TMEM178B: variants seen among roughly 807,000 people sequenced by gnomAD.
TMEM178B encodes transmembrane protein 178B.
A neutral mutation model predicts 31.0 loss-of-function variants in TMEM178B; 5 were observed. That is an observed-to-expected ratio of 0.16 (90% CI 0.08 to 0.34). The LOEUF (loss-of-function observed/expected upper bound fraction) is 0.34. Among genes scored for constraint, TMEM178B ranks in the 10% least tolerant of loss-of-function variants. The pLI is 1.00. For synonymous variants in TMEM178B, 164 were observed against 164.0 expected, an observed-to-expected ratio of 1.00 and a Z score of 0.00; for missense variants, 275 against 400.3, an observed-to-expected ratio of 0.69 and a Z score of 2.67.
At chr7:141,102,143 T>C (rs1344858129) in intron 1 of TMEM178B, among the ~76,000 whole-genome samples, 1 of 152,176 alleles carries the variant, frequency 6.6e-6, no homozygotes, top group African/African-American at 2.4e-5. Flanking sequence ...GCAGAGATTT[T>C]GTAATTAGTA....
intron 1 of TMEM178B, among the ~76,000 whole-genome samples, chr7:141,210,895 C>A (rs1047503650): frequency 2.0e-5 from 3 of 152,096 alleles, no homozygotes; most frequent in Non-Finnish European, 4.4e-5. Context: ...AGCAGACCTG[C>A]AGAATTTGGT....
In TMEM178B at chr7:141,473,063, C is replaced by A. The variant is rs977288896; in HGVS notation, c.*2277C>A. ...TGCAACGGGAAAAGTTGTTAGCTTCCAGTTGGGGTTCTAAGGATTATTTTT... is the reference window on the plus strand; with the variant it reads ...TGCAACGGGAAAAGTTGTTAGCTTCAAGTTGGGGTTCTAAGGATTATTTTT... On this transcript the variant is annotated 3_prime_UTR_variant, in exon 4 of 4. Transcript: ENST00000565468. 4.6e-5 allele frequency: 7 copies of A among 152,144 alleles called. No individual in the cohort carries two copies. The highest frequency in any genetic ancestry group is 1.7e-4 in the African/African-American group (7 of 41,414). 9.4% of individuals were successfully genotyped at this position (152,144 alleles called of 1,614,324 possible).
intron 1 of TMEM178B, among the ~76,000 whole-genome samples, chr7:141,141,112 A>G (rs1355742510): frequency 6.6e-6 from 1 of 152,162 alleles, no homozygotes; most frequent in African/African-American, 2.4e-5. Context: ...TTCTCCATTT[A>G]TTAATATATT....
chr7:141,454,481 G>A (rs952663960), intron 3 of TMEM178B, among the ~76,000 whole-genome samples: 5 of 152,030 alleles, frequency 3.3e-5, no homozygotes, highest in African/African-American at 1.2e-4. Flanking sequence ...TGGGGTCAGG[G>A]CCCAAGACCC....
intron 3 of TMEM178B, among the ~76,000 whole-genome samples, chr7:141,468,993 C>T (rs756221685): frequency 5.3e-5 from 8 of 152,196 alleles, no homozygotes; most frequent in Non-Finnish European, 1.0e-4. Flanking sequence ...ACCTGGCGGG[C>T]ACCATCTTGT....
chr7:141,389,887 G>T (rs756166262), intron 2 of TMEM178B, among the ~76,000 whole-genome samples: 14 of 152,182 alleles, frequency 9.2e-5, no homozygotes, highest in Non-Finnish European at 1.6e-4. Context: ...TCGAAGGTCT[G>T]CCTGGGATGT....
chr7:141,199,427 A>G (rs1252828587), intron 1 of TMEM178B, among the ~76,000 whole-genome samples: 1 of 152,246 alleles, frequency 6.6e-6, no homozygotes. Context: ...ATGATAAGGC[A>G]GAGGAATGGA....
intron 2 of TMEM178B, among the ~76,000 whole-genome samples, chr7:141,279,876 C>T (rs1396781221): frequency 6.6e-6 from 1 of 152,234 alleles, no homozygotes; most frequent in African/African-American, 2.4e-5. Context: ...CTTCTGGGAT[C>T]CTAGAAGTCC....
chr7:141,352,086 G>A (rs1421411963), intron 2 of TMEM178B: 2 of 152,436 alleles, frequency 1.3e-5, no homozygotes, highest in Non-Finnish European at 2.9e-5. Flanking sequence ...ACCTCCTCAT[G>A]GCCTTTGTGA....
chr7:141,083,466 G>T (rs190727308), intron 1 of TMEM178B, among the ~76,000 whole-genome samples: 2 of 149,984 alleles, frequency 1.3e-5, no homozygotes, highest in African/African-American at 4.9e-5. Flanking sequence ...TTGATGGGGG[G>T]TGGGAAGAGA....
At chr7:141,283,900 C>T (rs1798403017) in intron 2 of TMEM178B, among the ~76,000 whole-genome samples, 1 of 152,148 alleles carries the variant, frequency 6.6e-6, no homozygotes, top group Admixed American at 6.5e-5. Context: ...CTGAGAGGGA[C>T]CTGGCAGCAG....
chr7:141,120,179 A>T (rs116889803), intron 1 of TMEM178B, among the ~76,000 whole-genome samples: 1 of 152,146 alleles, frequency 6.6e-6, no homozygotes, highest in East Asian at 1.9e-4. Context: ...TGGAGTCTCA[A>T]CTCTTCCCTT....
chr7:141,299,687 G>T (rs766455519), intron 2 of TMEM178B, among the ~76,000 whole-genome samples: 1 of 152,192 alleles, frequency 6.6e-6, no homozygotes, highest in Non-Finnish European at 1.5e-5. Flanking sequence ...GGAAATGAAG[G>T]TGTCCTCTCT....
At chr7:141,121,377 C>T (rs1469408223) in intron 1 of TMEM178B, among the ~76,000 whole-genome samples, 1 of 152,178 alleles carries the variant, frequency 6.6e-6, no homozygotes, top group Non-Finnish European at 1.5e-5. Context: ...GTCAGATACT[C>T]TGTAAGTTCC....
At chr7:141,101,272 A>G (rs1795052778) in intron 1 of TMEM178B, among the ~76,000 whole-genome samples, 1 of 152,222 alleles carries the variant, frequency 6.6e-6, no homozygotes, top group South Asian at 2.1e-4. Flanking sequence ...TTGATTAATT[A>G]ATTTATGAAT....
intron 1 of TMEM178B, among the ~76,000 whole-genome samples, chr7:141,198,525 C>T (rs186406479): frequency 1.8e-4 from 27 of 152,338 alleles, no homozygotes; most frequent in Middle Eastern, 3.4e-3. Flanking sequence ...CATGCTGAAT[C>T]CTTAATTTAA....
At chr7:141,218,688 C>A (rs1797202608) in intron 2 of TMEM178B, among the ~76,000 whole-genome samples, 1 of 152,112 alleles carries the variant, frequency 6.6e-6, no homozygotes, top group Non-Finnish European at 1.5e-5. Context: ...CTCTTCCTCA[C>A]CCTCTCCCTT....
At chr7:141,155,936 G>C (rs1163634167) in intron 1 of TMEM178B, among the ~76,000 whole-genome samples, 1 of 152,132 alleles carries the variant, frequency 6.6e-6, no homozygotes, top group African/African-American at 2.4e-5. Context: ...ATGGTGGTGG[G>C]CACCTGTAAT....
At chr7:141,381,197 C>G (rs375723911) in intron 2 of TMEM178B, among the ~76,000 whole-genome samples, 1 of 152,202 alleles carries the variant, frequency 6.6e-6, no homozygotes, top group Non-Finnish European at 1.5e-5. Context: ...TGAAACCCCC[C>G]ACCTGTATCA....
Sources: gnomAD v4.1 joint callset for allele counts (sites outside exome capture counted in the v4.1 genomes callset) on GRCh38, gnomAD v4.1.1 for gene constraint, MANE v1.5 for transcripts, NCBI Gene and HGNC (gene_info 2026-07-23, HGNC 2026-07-21) for gene names.